The following MELK variants were observed in gnomAD, a reference collection of about 807,000 sequenced individuals.
MELK encodes maternal embryonic leucine zipper kinase.
MELK carries 81 observed loss-of-function variants against 85.0 expected under a neutral mutation model. That is an observed-to-expected ratio of 0.95 (90% CI 0.80 to 1.15). The LOEUF (loss-of-function observed/expected upper bound fraction) is 1.15. Ranked by LOEUF, MELK falls within the 50% of genes most tolerant of loss-of-function variation. The probability of loss-of-function intolerance (pLI) is 0.00; values close to 1 mark genes in which losing one functional copy is unlikely to be tolerated. For missense variants in MELK, 754 were observed against 777.5 expected (o/e 0.97, Z 0.36); for synonymous variants, 252 against 265.0 (o/e 0.95, Z 0.48).
chr9:36,585,025 A>T (rs183326515), intron 3 of MELK, among the ~76,000 whole-genome samples: 1 of 152,134 alleles, frequency 6.6e-6, no homozygotes, highest in Non-Finnish European at 1.5e-5. Flanking sequence ...GGCCTGTCCC[A>T]GCATTTTATT....
At chr9:36,645,380 C>A (rs1830135840) in intron 11 of MELK, among the ~76,000 whole-genome samples, 1 of 151,288 alleles carries the variant, frequency 6.6e-6, no homozygotes. Flanking sequence ...AATGGAAATA[C>A]AAATTATTTG....
chr9:36,643,050 C>T lies in MELK; in HGVS notation c.888C>T (p.Asn296=). 6.2e-7 allele frequency: 1 copy of T among 1,612,860 alleles called. No individual in the cohort carries two copies. Among genetic ancestry groups the T allele is most frequent in the Non-Finnish European group, 8.5e-7 (1 of 1,179,534 alleles). Residue 296 remains asparagine, a synonymous_variant, in exon 11 of 18, where the codon AAC becomes AAT. Transcript: ENST00000298048. The part of the protein sequence containing the change: ...CVTELSVHHR[N]NRQTMEDLIS... ...CAGAACTTTCTGTACATCACAGAAA[C>T]AACAGGCAAACAATGGAGGATTTAA...
chr9:36,654,487 C>T (rs1831038899), intron 12 of MELK, among the ~76,000 whole-genome samples: 1 of 151,432 alleles, frequency 6.6e-6, no homozygotes, highest in Admixed American at 6.6e-5. Context: ...TCCCGAGTAG[C>T]TGGGATTACA....
At chr9:36,661,931 C>T (rs1222338674) in intron 13 of MELK, among the ~76,000 whole-genome samples, 10 of 143,920 alleles carry the variant, frequency 6.9e-5, no homozygotes, top group African/African-American at 2.3e-4. Context: ...AGCGAGACTC[C>T]GTCTCAAAAA....
chr9:36,598,855 C>G (rs554940059), intron 6 of MELK, among the ~76,000 whole-genome samples: 2 of 152,276 alleles, frequency 1.3e-5, no homozygotes, highest in East Asian at 3.9e-4. Flanking sequence ...AGGATTTGTT[C>G]ATGCCAGGTT....
At chr9:36,668,342 T>C (rs749510005) in intron 14 of MELK, among the ~76,000 whole-genome samples, 10 of 152,220 alleles carry the variant, frequency 6.6e-5, no homozygotes, top group African/African-American at 7.2e-5. Context: ...ATCTTTGTTT[T>C]TATAGTGTGA....
intron 11 of MELK, among the ~76,000 whole-genome samples, chr9:36,644,229 G>A (rs1297287350): frequency 1.3e-5 from 2 of 151,372 alleles, no homozygotes; most frequent in East Asian, 3.9e-4. Context: ...GTGTGTGTGT[G>A]TGTGTGTGTG....
intron 7 of MELK, 40 bp downstream of exon 7, chr9:36,599,526 C>A: frequency 6.8e-7 from 1 of 1,479,000 alleles, no homozygotes; most frequent in Non-Finnish European, 9.4e-7. Flanking sequence ...AATCAGCAGA[C>A]ATTTATATTG....
intron 6 of MELK, among the ~76,000 whole-genome samples, chr9:36,598,846 G>T (rs960064879): frequency 7.2e-5 from 11 of 152,190 alleles, no homozygotes; most frequent in African/African-American, 2.7e-4. Context: ...TAAGGGGAAA[G>T]GATTTGTTCA....
chr9:36,600,462 C>G (rs1004151337), intron 7 of MELK, among the ~76,000 whole-genome samples: 1 of 152,188 alleles, frequency 6.6e-6, no homozygotes, highest in Non-Finnish European at 1.5e-5. Flanking sequence ...CCGCTCACTA[C>G]AAGCTCTGCC....
chr9:36,671,907 G>T (rs2138141810), intron 16 of MELK, among the ~76,000 whole-genome samples: 1 of 152,306 alleles, frequency 6.6e-6, no homozygotes, highest in Middle Eastern at 3.4e-3. Context: ...TAGGCTGGCT[G>T]TGAAAACAGG....
intron 8 of MELK, among the ~76,000 whole-genome samples, chr9:36,620,530 C>T (rs1168408218): frequency 6.6e-6 from 1 of 150,488 alleles, no homozygotes; most frequent in Non-Finnish European, 1.5e-5. Flanking sequence ...TTTCTTGTTT[C>T]AGCCTAGCAT....
chr9:36,637,272 T>C (rs1215451331), intron 10 of MELK, among the ~76,000 whole-genome samples: 7 of 152,212 alleles, frequency 4.6e-5, no homozygotes, highest in Admixed American at 1.3e-4. Context: ...ATGGAAGGTG[T>C]ATCTTTCAAG....
At chr9:36,578,390 T>C (rs1821863707) in intron 1 of MELK, among the ~76,000 whole-genome samples, 1 of 152,164 alleles carries the variant, frequency 6.6e-6, no homozygotes, top group Non-Finnish European at 1.5e-5. Flanking sequence ...ATTCCCTCTT[T>C]CTGGAATATT....
At position 36,584,576 on chromosome 9, in the gene MELK, G is replaced by A. The variant is rs1262019066; in HGVS notation, c.144+864G>A. On this transcript the variant is annotated intron_variant, in intron 3 of 17. Transcript: ENST00000298048. ...TCTCGATCTCCAGACCTCGTGAACCGCGTGCCTCGACCTCCCAAAGTGCTG... is the reference window on the plus strand; with the variant it reads ...TCTCGATCTCCAGACCTCGTGAACCACGTGCCTCGACCTCCCAAAGTGCTG... 1.6e-4 allele frequency among the ~76,000 whole-genome samples: 23 copies of A among 146,010 alleles called. No homozygotes were observed. The East Asian group carries it at 4.0e-3, about 25-fold the overall frequency.
At position 36,662,334 on chromosome 9, in the gene MELK, C is replaced by T. The variant is rs1208955021; in HGVS notation, c.1177-3016C>T. Among the ~76,000 whole-genome samples the T allele has an allele frequency of 2.0e-5, 3 of 151,492 alleles. No homozygotes were observed. In the East Asian group the frequency reaches 5.8e-4, roughly 29 times the overall value. On this transcript the variant is annotated intron_variant, in intron 13 of 17. Coordinates refer to ENST00000298048, the MANE Select transcript of MELK (RefSeq NM_014791.4). ...CTCAGGCTCACTGCAACCTCTTCCT[C>T]CTGGGTTCAAGTGATTCTCCTGCCT...
At chr9:36,604,126 T>C (rs893077833) in intron 7 of MELK, among the ~76,000 whole-genome samples, 131 of 151,076 alleles carry the variant, frequency 8.7e-4, no homozygotes, top group African/African-American at 3.1e-3. Context: ...TGTACCACCC[T>C]GCCTGGCAAA....
At chr9:36,653,930 T>A (rs1830965620) in intron 12 of MELK, among the ~76,000 whole-genome samples, 1 of 152,240 alleles carries the variant, frequency 6.6e-6, no homozygotes, top group Non-Finnish European at 1.5e-5. Flanking sequence ...GTGGGTCTTA[T>A]GTCACTGCCA....
At chr9:36,596,571 TG>T (rs1453527560) in intron 5 of MELK, among the ~76,000 whole-genome samples, 14,267 of 122,250 alleles carry the variant, frequency 0.12, 2,210 homozygotes, top group African/African-American at 0.33. Context: ...TTGTTTTTTT[TG>T]TTTTTTTTGT....
Sources: gnomAD v4.1 joint callset for allele counts (sites outside exome capture counted in the v4.1 genomes callset) on GRCh38, gnomAD v4.1.1 for gene constraint, MANE v1.5 for transcripts, NCBI Gene and HGNC (gene_info 2026-07-23, HGNC 2026-07-21) for gene names.